MYLK4: variants seen among roughly 807,000 people sequenced by gnomAD.
MYLK4 encodes caMLCK like.
Under a neutral mutation model 48.1 loss-of-function variants are expected in MYLK4, and 46 were observed. That is an observed-to-expected ratio of 0.96 (90% CI 0.75 to 1.22). The LOEUF (loss-of-function observed/expected upper bound fraction) is 1.22. Ranked by LOEUF, MYLK4 falls within the 50% of genes most tolerant of loss-of-function variation. MYLK4 has a pLI of 0.00. For synonymous variants in MYLK4, 170 were observed against 180.8 expected, an observed-to-expected ratio of 0.94 and a Z score of 0.48; for missense variants, 451 against 486.1, an observed-to-expected ratio of 0.93 and a Z score of 0.68.
chr6:2,693,018 A>G (rs1038802210), intron 2 of MYLK4, among the ~76,000 whole-genome samples, 159 bp from the exon 3 acceptor site: 6 of 152,324 alleles, frequency 3.9e-5, no homozygotes, highest in African/African-American at 1.4e-4. Context: ...AGATGCCAGT[A>G]GCACCCTCCC....
intron 2 of MYLK4, among the ~76,000 whole-genome samples, chr6:2,709,522 G>A (rs1053420952): frequency 1.3e-5 from 2 of 152,178 alleles, no homozygotes; most frequent in African/African-American, 4.8e-5. Context: ...GCAAGCCCCA[G>A]GACTGAGGTT....
At chr6:2,766,233 G>T in the MYLK4 span, 11 of 1,467,546 alleles carry the variant, frequency 7.5e-6, no homozygotes, top group South Asian at 2.9e-5. Flanking sequence ...GGGGCCAGTG[G>T]CGGGGGCCGC....
At position 2,728,811 on chromosome 6, in the gene MYLK4, G is replaced by A. The variant is rs34078797; in HGVS notation, c.159+20325C>T. On this transcript the variant is annotated intron_variant, in intron 2 of 12. Transcript: ENST00000274643. ...CAAGCACCCACCTCCCAATAACAGGGTCCCTGGCATCTCTTTCTTCTTCCA... is the reference window on the plus strand; with the variant it reads ...CAAGCACCCACCTCCCAATAACAGGATCCCTGGCATCTCTTTCTTCTTCCA... Among the ~76,000 whole-genome samples the A allele has an allele frequency of 3.6e-3, 552 of 152,258 alleles. 1 individual carries two copies. The highest frequency in any genetic ancestry group is 5.2e-3 in the Admixed American group (79 of 15,290).
intron 3 of MYLK4, among the ~76,000 whole-genome samples, chr6:2,690,564 T>C (rs1413059594): frequency 6.6e-6 from 1 of 152,106 alleles, no homozygotes; most frequent in Admixed American, 6.6e-5. Context: ...GTGAGCTCCG[T>C]GATAGAGGTG....
At position 2,698,628 on chromosome 6, in the gene MYLK4, T is replaced by C. The variant is rs144919894; in HGVS notation, c.160-5769A>G. Among the ~76,000 whole-genome samples the C allele has an allele frequency of 3.0e-3, 453 of 152,348 alleles. 1 individual carries two copies. The highest frequency in any genetic ancestry group is 3.7e-3 in the Non-Finnish European group (254 of 68,036). ...AGTATAACAATTTATAATGACTTTA[T>C]TAAACTTGGATTAGATTCCTAATGG... On this transcript the variant is annotated intron_variant, in intron 2 of 12. Transcript: ENST00000274643.
intron 7 of MYLK4, 96 bp downstream of exon 7, chr6:2,682,925 G>T: frequency 7.3e-7 from 1 of 1,365,002 alleles, no homozygotes; most frequent in Non-Finnish European, 1.0e-6. Context: ...TGAAATGACT[G>T]TACCAATTTC....
At chr6:2,735,226 G>C (rs1763627047) in intron 2 of MYLK4, among the ~76,000 whole-genome samples, 1 of 152,062 alleles carries the variant, frequency 6.6e-6, no homozygotes, top group East Asian at 1.9e-4. Context: ...CTTCATAAAG[G>C]GACAGAAAGC....
At chr6:2,687,714 C>A (rs1327128129) in intron 4 of MYLK4, among the ~76,000 whole-genome samples, 1 of 152,108 alleles carries the variant, frequency 6.6e-6, no homozygotes, top group African/African-American at 2.4e-5. Context: ...TGGTTCCATT[C>A]GGCACAGGGC....
intron 11 of MYLK4, 79 bp downstream of exon 11, chr6:2,674,968 G>T: frequency 1.0e-6 from 1 of 961,870 alleles, no homozygotes; most frequent in Non-Finnish European, 1.7e-6. Flanking sequence ...CTTATTTAAG[G>T]TTAAGATGAC....
At chr6:2,754,802 T>C (rs548344940), upstream of MYLK4, among the ~76,000 whole-genome samples, 1 of 152,288 alleles carries the variant, frequency 6.6e-6, no homozygotes, top group Admixed American at 6.5e-5. Flanking sequence ...AAACATAAAT[T>C]ATATTCCACA....
chr6:2,764,572 T>TAAC, the MYLK4 span, among the ~76,000 whole-genome samples: 149,059 of 152,298 alleles, frequency 0.98, 73,028 homozygotes, highest in East Asian at 1. Context: ...AAGCAAAAAA[T>TAAC]AACATGGTAA....
chr6:2,684,141 G>A (rs936546116), intron 6 of MYLK4, among the ~76,000 whole-genome samples: 4 of 152,250 alleles, frequency 2.6e-5, no homozygotes, highest in Middle Eastern at 3.4e-3. Context: ...CTTGTGTCTT[G>A]GGGCCATTAT....
intron 2 of MYLK4, among the ~76,000 whole-genome samples, chr6:2,740,661 G>C (rs565486593): frequency 6.6e-6 from 1 of 152,212 alleles, no homozygotes; most frequent in Non-Finnish European, 1.5e-5. Flanking sequence ...CCTCACGCAT[G>C]CTTGGGCTCT....
chr6:2,709,875 A>G (rs989149993), intron 2 of MYLK4, among the ~76,000 whole-genome samples: 1 of 152,226 alleles, frequency 6.6e-6, no homozygotes, highest in Admixed American at 6.5e-5. Flanking sequence ...CAGAGAAATA[A>G]ACCCAAAATA....
chr6:2,678,711 GTTT>G (rs11344815), intron 9 of MYLK4, among the ~76,000 whole-genome samples: 1 of 132,314 alleles, frequency 7.6e-6, no homozygotes, highest in Non-Finnish European at 1.6e-5. Context: ...TAGGAGATCA[GTTT>G]TTTTTTTTTT....
At chr6:2,712,551 A>C (rs1210458329) in intron 2 of MYLK4, among the ~76,000 whole-genome samples, 1 of 152,246 alleles carries the variant, frequency 6.6e-6, no homozygotes, top group Non-Finnish European at 1.5e-5. Context: ...TGTTTTGAGA[A>C]ACAGATTTAG....
At chr6:2,770,206 T>C in the MYLK4 span, 4 of 1,614,094 alleles carry the variant, frequency 2.5e-6, no homozygotes, top group South Asian at 1.1e-5. Flanking sequence ...TCAACGCTGC[T>C]CTTCTGAGCC....
intron 2 of MYLK4, among the ~76,000 whole-genome samples, chr6:2,715,473 C>A (rs559423987): frequency 3.3e-5 from 5 of 152,136 alleles, no homozygotes; most frequent in Non-Finnish European, 7.4e-5. Flanking sequence ...CTGTTTGGAA[C>A]CTTTCTGAGA....
chr6:2,709,730 T>C (rs1296506684), intron 2 of MYLK4, among the ~76,000 whole-genome samples: 1 of 152,264 alleles, frequency 6.6e-6, no homozygotes, highest in African/African-American at 2.4e-5. Flanking sequence ...ACGATCTCTC[T>C]AATTTGTAAA....
Sources: allele counts gnomAD v4.1 joint callset (sites outside exome capture counted in the v4.1 genomes callset), GRCh38; gene constraint gnomAD v4.1.1; transcripts MANE v1.5; gene names NCBI Gene and HGNC (gene_info 2026-07-23, HGNC 2026-07-21).